The following SUCLA2 variants were observed in gnomAD, a reference collection of about 807,000 sequenced individuals.
SUCLA2 encodes the protein succinate-CoA ligase ADP-forming subunit beta.
SUCLA2 carries 30 observed loss-of-function variants against 54.8 expected under a neutral mutation model. The observed-to-expected ratio is 0.55, with a 90% CI of 0.41 to 0.74. The LOEUF is 0.74. SUCLA2 is among the 30% of genes least tolerant of loss of function. SUCLA2 has a pLI of 0.00. For missense variants in SUCLA2, 476 were observed against 562.9 expected, an observed-to-expected ratio of 0.85 and a Z score of 1.56; for synonymous variants, 172 against 188.9, an observed-to-expected ratio of 0.91 and a Z score of 0.74.
chr13:47,996,261 T>C (rs1342082403), intron 2 of SUCLA2, among the ~76,000 whole-genome samples: 20 of 148,030 alleles, frequency 1.4e-4, no homozygotes, highest in African/African-American at 4.8e-4. Flanking sequence ...AAGCGGAGGT[T>C]GCAGTGAGCC....
chr13:47,965,689 T>G, intron 6 of SUCLA2: 1 of 398,432 alleles, frequency 2.5e-6, no homozygotes, highest in Non-Finnish European at 4.4e-6. Flanking sequence ...TGGCTACATT[T>G]GAATATGTAT....
chr13:47,984,597 G>T (rs374877358), intron 4 of SUCLA2, among the ~76,000 whole-genome samples: 233 of 151,962 alleles, frequency 1.5e-3, no homozygotes, highest in African/African-American at 5.2e-3. Flanking sequence ...GCTTAAATGA[G>T]AAAGCAGCCA....
chr13:47,953,510 G>A (rs1949792894), intron 8 of SUCLA2, among the ~76,000 whole-genome samples: 1 of 152,066 alleles, frequency 6.6e-6, no homozygotes. Flanking sequence ...TGGAAAATAA[G>A]GCTGTAGGCT....
intron 8 of SUCLA2, among the ~76,000 whole-genome samples, chr13:47,949,881 T>TAAATTTGGCCATTA: frequency 2.6e-5 from 4 of 152,298 alleles, no homozygotes; most frequent in Admixed American, 2.6e-4. Flanking sequence ...CCATTTACTT[T>TAAATTTGGCCATTA]CTCTTGTTAA....
chr13:47,967,749 CAGA>C (rs1949930852), intron 6 of SUCLA2, among the ~76,000 whole-genome samples: 1 of 149,700 alleles, frequency 6.7e-6, no homozygotes, highest in Non-Finnish European at 1.5e-5. Context: ...GAGGCTGAGG[CAGA>C]AGAATTACTT....
intron 10 of SUCLA2, chr13:47,945,922 A>G (rs995940691): frequency 2.0e-5 from 3 of 152,252 alleles, no homozygotes; most frequent in Non-Finnish European, 2.9e-5. Context: ...AGTCATCAAC[A>G]TTATCTACTC....
chr13:47,984,734 C>A (rs1950087567), intron 4 of SUCLA2, among the ~76,000 whole-genome samples: 1 of 151,710 alleles, frequency 6.6e-6, no homozygotes, highest in African/African-American at 2.4e-5. Flanking sequence ...AGAGATGGCA[C>A]CACTGCACTC....
At chr13:47,974,837 T>C (rs1445626289) in intron 4 of SUCLA2, among the ~76,000 whole-genome samples, 1 of 152,212 alleles carries the variant, frequency 6.6e-6, no homozygotes, top group African/African-American at 2.4e-5. Flanking sequence ...GATTGTTTAC[T>C]GACAGGAAAC....
intron 1 of SUCLA2, among the ~76,000 whole-genome samples, chr13:48,000,624 G>A (rs1391688169): frequency 2.6e-5 from 4 of 152,184 alleles, no homozygotes; most frequent in Non-Finnish European, 5.9e-5. Context: ...AACTGGTTAG[G>A]TAGAAAACAT....
At chr13:47,954,082 A>G (rs1949798099) in intron 8 of SUCLA2, 58 bp downstream of exon 8, 5 of 1,273,608 alleles carry the variant, frequency 3.9e-6, no homozygotes, top group Admixed American at 3.3e-5. Context: ...ATACATTTTT[A>G]TAAGTATTTA....
chr13:47,982,304 T>C (rs1321429012), intron 4 of SUCLA2, among the ~76,000 whole-genome samples: 2 of 152,160 alleles, frequency 1.3e-5, no homozygotes, highest in Non-Finnish European at 2.9e-5. Context: ...ACATCATGAA[T>C]AAACCTTGAG....
intron 4 of SUCLA2, among the ~76,000 whole-genome samples, chr13:47,985,763 T>C (rs1950097920): frequency 6.6e-6 from 1 of 152,194 alleles, no homozygotes; most frequent in African/African-American, 2.4e-5. Context: ...AGTAGTGGGA[T>C]TGCTGGGTCA....
intron 4 of SUCLA2, among the ~76,000 whole-genome samples, chr13:47,981,864 A>G (rs1356154473): frequency 6.6e-6 from 1 of 152,160 alleles, no homozygotes; most frequent in Non-Finnish European, 1.5e-5. Flanking sequence ...GGGTGCCTGT[A>G]ATTCCAGCTA....
chr13:47,951,961 A>C (rs1323392393), intron 8 of SUCLA2, among the ~76,000 whole-genome samples: 1 of 150,006 alleles, frequency 6.7e-6, no homozygotes, highest in East Asian at 2.0e-4. Flanking sequence ...CCTTTGACTG[A>C]TAGCACTGCA....
intron 2 of SUCLA2, among the ~76,000 whole-genome samples, chr13:47,989,213 C>CTTT (rs11445752): frequency 4.2e-5 from 6 of 143,690 alleles, no homozygotes; most frequent in Non-Finnish European, 3.0e-5. Context: ...TAAACCATTT[C>CTTT]TTTTTTTTTT....
At chr13:47,990,122 C>A (rs561522626) in intron 2 of SUCLA2, among the ~76,000 whole-genome samples, 1 of 152,082 alleles carries the variant, frequency 6.6e-6, no homozygotes, top group Non-Finnish European at 1.5e-5. Context: ...CTGAAGCAGG[C>A]GGGTCACATG....
At chr13:48,000,028 T>A (rs1355520372) in intron 1 of SUCLA2, among the ~76,000 whole-genome samples, 1 of 151,598 alleles carries the variant, frequency 6.6e-6, no homozygotes, top group Non-Finnish European at 1.5e-5. Context: ...AGCACTCTTC[T>A]AAGATTCATA....
intron 6 of SUCLA2, among the ~76,000 whole-genome samples, chr13:47,968,194 T>A (rs1416128158): frequency 6.6e-6 from 1 of 152,228 alleles, no homozygotes; most frequent in East Asian, 1.9e-4. Flanking sequence ...ATGTTCTGTG[T>A]GTGTGCTCTT....
chr13:47,985,956 GT>G, intron 4 of SUCLA2, among the ~76,000 whole-genome samples: 1 of 150,808 alleles, frequency 6.6e-6, no homozygotes, highest in South Asian at 2.1e-4. Context: ...GTATCTCATT[GT>G]GGTTTTGATT....
Sources: gnomAD v4.1 joint callset for allele counts (sites outside exome capture counted in the v4.1 genomes callset) on GRCh38, gnomAD v4.1.1 for gene constraint, MANE v1.5 for transcripts, NCBI Gene and HGNC (gene_info 2026-07-23, HGNC 2026-07-21) for gene names.